The following SACS variants were observed in gnomAD, a reference collection of about 807,000 sequenced individuals.
SACS encodes sacsin molecular chaperone.
A neutral mutation model predicts 348.0 loss-of-function variants in SACS; 197 were observed. That is an observed-to-expected ratio of 0.57 (90% CI 0.50 to 0.64). SACS has a LOEUF of 0.64. Ranked by LOEUF, SACS falls within the 30% of genes least tolerant of loss-of-function variation. The pLI, the probability that SACS is intolerant of heterozygous loss-of-function variation, is 0.00. For synonymous variants in SACS, 1,985 were observed against 1,910.6 expected (o/e 1.04, Z -1.02); for missense variants, 4,999 against 5,360.8 (o/e 0.93, Z 2.11).
At chr13:23,412,241 A>G (rs986693596) in intron 1 of SACS, among the ~76,000 whole-genome samples, 7 of 152,090 alleles carry the variant, frequency 4.6e-5, no homozygotes, top group Admixed American at 3.9e-4. Context: ...GCGCCTGGGC[A>G]ACAGAGCCAG....
chr13:23,416,468 A>C (rs747826729), intron 1 of SACS, among the ~76,000 whole-genome samples: 1 of 152,104 alleles, frequency 6.6e-6, no homozygotes, highest in African/African-American at 2.4e-5. Flanking sequence ...GGTAAAAGAA[A>C]AAAAGTCAAC....
chr13:23,364,856 T>C (rs566427974), intron 6 of SACS, among the ~76,000 whole-genome samples: 206 of 152,350 alleles, frequency 1.4e-3, no homozygotes, highest in Non-Finnish European at 2.0e-3. Context: ...AGGAAAGTGT[T>C]ACTATACATA....
chr13:23,353,885 G>A lies in SACS; in HGVS notation c.2094-9C>T, dbSNP rs1870138747. On this transcript the variant is annotated splice_polypyrimidine_tract_variant and intron_variant, in intron 8 of 9. Transcript: ENST00000382292. The stretch of plus-strand genomic sequence containing the variant: ...GACTTGGGAAAAGGGACCTGAAAAG[G>A]GAAAGGAACAGCAATCATCATAATC... 6.9e-7 allele frequency: 1 copy of A among 1,444,454 alleles called. No homozygotes were observed. The highest frequency in any genetic ancestry group is 1.7e-5 in the Admixed American group (1 of 59,784). 89.5% of individuals were successfully genotyped at this position (1,444,454 alleles called of 1,614,324 possible).
chr13:23,386,958 G>A (rs551560571), intron 2 of SACS, among the ~76,000 whole-genome samples: 3 of 152,188 alleles, frequency 2.0e-5, no homozygotes, highest in East Asian at 3.9e-4. Flanking sequence ...GGCACAGTTC[G>A]TGGCACCCCA....
chr13:23,375,325 C>T lies in SACS; in HGVS notation c.21-56G>A, dbSNP rs1009954610. 1.9e-4 allele frequency: 261 copies of T among 1,354,644 alleles called. 1 individual carries two copies. Among genetic ancestry groups the T allele is most frequent in the Non-Finnish European group, 2.4e-4 (248 of 1,045,924 alleles). 83.9% of individuals were successfully genotyped at this position (1,354,644 alleles called of 1,614,324 possible). A position where few individuals can be genotyped will look rare whatever the true frequency, so the allele number is the denominator to read the frequency against. ...CTGCGGCTGCCACCCGCCCGCCCAG[C>T]GCCCGCGCGGCCTCCACCCGCGTTA... On this transcript the variant is annotated intron_variant, in intron 2 of 9. Coordinates refer to ENST00000382292, the MANE Select transcript of SACS (RefSeq NM_014363.6).
chr13:23,400,957 C>G (rs7331463), intron 2 of SACS, among the ~76,000 whole-genome samples: 1 of 149,886 alleles, frequency 6.7e-6, no homozygotes, highest in Non-Finnish European at 1.5e-5. Context: ...TAAGTTTATT[C>G]GATTTGTTGA....
chr13:23,422,178 T>A (rs1873976724), intron 1 of SACS, among the ~76,000 whole-genome samples: 1 of 152,234 alleles, frequency 6.6e-6, no homozygotes, highest in Admixed American at 6.5e-5. Context: ...TAACTTTTCA[T>A]TAAACAAGTT....
intron 8 of SACS, 43 bp downstream of exon 8, chr13:23,354,476 G>A: frequency 1.9e-6 from 3 of 1,552,534 alleles, no homozygotes; most frequent in African/African-American, 1.4e-5. Context: ...AGGAGCAGGG[G>A]AACCCTAAGA....
rs1014825098 is a variant in SACS, at chr13:23,355,709, T to C, written c.903A>G (p.Ala301=). The change falls in exon 8 of 10, where the codon GCA becomes GCG. Residue 301 remains alanine (A), a synonymous_variant. Coordinates refer to ENST00000382292, the MANE Select transcript of SACS (RefSeq NM_014363.6). ...KVLELFESFR[A]DADTVLLFLK... is the part of the protein sequence containing the mutation. Reference sequence around the variant, plus strand: ...GAAAGAGCAGCACTGTGTCTGCATCTGCCCTAAAAGACTCAAACAACTCAA... The same window carrying C: ...GAAAGAGCAGCACTGTGTCTGCATCCGCCCTAAAAGACTCAAACAACTCAA... The C allele has an allele frequency of 3.1e-6, 5 of 1,614,228 alleles. No individual in the cohort carries two copies. The African/African-American group carries it at 6.7e-5, about 22-fold the overall frequency.
At chr13:23,417,277 C>A (rs1029821630) in intron 1 of SACS, among the ~76,000 whole-genome samples, 9 of 152,168 alleles carry the variant, frequency 5.9e-5, no homozygotes, top group African/African-American at 2.2e-4. Flanking sequence ...TCAAATTGAT[C>A]TTGTAATTCA....
At position 23,334,187 on chromosome 13, in the gene SACS, C is replaced by T. The variant is rs759998344; in HGVS notation, c.9689G>A (p.Ser3230Asn). 2 of 1,613,712 alleles carry T rather than the reference C, an allele frequency of 1.2e-6. No homozygotes were observed. The highest frequency in any genetic ancestry group is 1.7e-6 in the Non-Finnish European group (2 of 1,179,824). The change falls in exon 10 of 10, where the codon AGT (serine) becomes AAT (asparagine). Residue 3230 changes from serine (S) to asparagine (N), a missense_variant. By Grantham distance (46) the Ser-to-Asn change is conservative (BLOSUM62 1). This residue lies in a region of SACS where 734 missense variants were observed against 694.0 expected (regional missense o/e 1.06). Transcript: ENST00000382292. ...SVLPREYKTK[S>N]CTKWKDNFAS... Reference sequence around the variant, plus strand: ...AAAATTGTCTTTCCACTTTGTGCAACTTTTGGTCTTATATTCTCGAGGCAA... The same window carrying T: ...AAAATTGTCTTTCCACTTTGTGCAATTTTTGGTCTTATATTCTCGAGGCAA...
intron 1 of SACS, among the ~76,000 whole-genome samples, chr13:23,415,975 C>A (rs931413047): frequency 6.6e-6 from 1 of 152,058 alleles, no homozygotes; most frequent in Non-Finnish European, 1.5e-5. Context: ...AGTTAAGTAT[C>A]CATTTTAAGA....
rs1266613090 is a variant in SACS at position 23,385,741 on chromosome 13, G to A, written c.21-10472C>T. Among the ~76,000 whole-genome samples the A allele has an allele frequency of 2.0e-5, 3 of 152,150 alleles. No individual in the cohort carries two copies. In the East Asian group the frequency reaches 5.8e-4, roughly 29 times the overall value. On this transcript the variant is annotated intron_variant, in intron 2 of 9. Transcript: ENST00000382292. ...TTCATTTTGCCCAGATCCGTCAGAG[G>A]AATCACTATCTATGGCAGCTATAGC... is the stretch of plus-strand genomic sequence containing the variant.
chr13:23,392,992 G>A (rs1438522522), intron 2 of SACS, among the ~76,000 whole-genome samples: 1 of 152,112 alleles, frequency 6.6e-6, no homozygotes, highest in African/African-American at 2.4e-5. Flanking sequence ...CATCGGGAGA[G>A]GCCATTCACC....
chr13:23,407,373 C>G (rs1001054066), intron 2 of SACS, among the ~76,000 whole-genome samples: 1 of 150,700 alleles, frequency 6.6e-6, no homozygotes, highest in East Asian at 2.0e-4. Flanking sequence ...TAATCTTTTT[C>G]TATTTTTAGT....
At position 23,338,627 on chromosome 13, in the gene SACS, G is replaced by A. The variant is rs1470494882; in HGVS notation, c.5249C>T (p.Pro1750Leu). 1.9e-6 allele frequency: 3 copies of A among 1,614,074 alleles called. No homozygotes were observed. The highest frequency in any genetic ancestry group is 2.5e-6 in the Non-Finnish European group (3 of 1,179,982). ...GCAAGATGACTTTGGTTCATCACTGGGAAGCTTTTTATTACTGCTGCTGCA... is the reference window on the plus strand; with the variant it reads ...GCAAGATGACTTTGGTTCATCACTGAGAAGCTTTTTATTACTGCTGCTGCA... ...KTCSSSNKKL[P>L]SDEPKSSCIL... The change falls in exon 10 of 10, where the codon CCC becomes CTC. Residue 1750 changes from proline (P) to leucine (L), a missense_variant. Around this residue, in one of 6 missense-constraint regions of SACS, gnomAD observed 3,156 missense variants for 3,380.1 expected, o/e 0.93. Coordinates refer to ENST00000382292, the MANE Select transcript of SACS (RefSeq NM_014363.6).
At chr13:23,416,142 C>T (rs1474836625) in intron 1 of SACS, among the ~76,000 whole-genome samples, 1 of 151,926 alleles carries the variant, frequency 6.6e-6, no homozygotes, top group Non-Finnish European at 1.5e-5. Flanking sequence ...ATTAGCCGGG[C>T]ATGGTGGTGT....
chr13:23,426,621 C>CA (rs369978665), intron 1 of SACS, among the ~76,000 whole-genome samples: 1 of 127,344 alleles, frequency 7.9e-6, no homozygotes, highest in East Asian at 2.3e-4. Context: ...GCCTGGGTGA[C>CA]AGAGTGAGAC....
chr13:23,335,973 A>T lies in SACS; in HGVS notation c.7903T>A (p.Cys2635Ser). 6.2e-7 allele frequency: 1 copy of T among 1,612,756 alleles called. No homozygotes were observed. The highest frequency in any genetic ancestry group is 8.5e-7 in the Non-Finnish European group (1 of 1,178,816). Residue 2635 changes from cysteine to serine, a missense_variant, in exon 10 of 10, where the codon TGC becomes AGC. Physicochemically the swap from Cys to Ser is moderately radical, Grantham distance 112 (BLOSUM62 -1). Transcript: ENST00000382292. This position sits in a 1 kb window ranked among gnomAD's most constrained non-coding sequence, Gnocchi z 4.7. ...GFNSVYHITD[C>S]PSFISGNDIL... is the part of the protein sequence containing the mutation. Reference sequence around the variant, plus strand: ...TCATTGCCAGAAATAAAAGATGGGCAGTCTGTGATATGATACACAGAATTG... The same window carrying T: ...TCATTGCCAGAAATAAAAGATGGGCTGTCTGTGATATGATACACAGAATTG...
Sources: gnomAD v4.1 joint callset for allele counts (sites outside exome capture counted in the v4.1 genomes callset) on GRCh38, gnomAD v4.1.1 for gene constraint, gnomAD v4.1.1 regional missense constraint, Gnocchi (gnomAD v3.1) non-coding constraint, MANE v1.5 for transcripts, NCBI Gene and HGNC (gene_info 2026-07-23, HGNC 2026-07-21) for gene names.